Variants in CAMK2D observed in about 807,000 individuals in gnomAD.
CAMK2D encodes calcium/calmodulin-dependent protein kinase type II subunit delta.
Under a neutral mutation model 84.0 loss-of-function variants are expected in CAMK2D, and 37 were observed. The observed-to-expected ratio is 0.44, with a 90% CI of 0.34 to 0.58. The LOEUF is 0.58. Among genes scored for constraint, CAMK2D ranks in the 20% least tolerant of loss-of-function variants. The pLI is 0.02. For synonymous variants in CAMK2D, 202 were observed against 212.5 expected (o/e 0.95, Z 0.43); for missense variants, 448 against 652.5 (o/e 0.69, Z 3.41).
chr4:113,569,369 C>T (rs1216583716), intron 4 of CAMK2D, among the ~76,000 whole-genome samples: 1 of 152,146 alleles, frequency 6.6e-6, no homozygotes, highest in African/African-American at 2.4e-5. Context: ...ATAGCTTTAG[C>T]TCTTACATTT....
At chr4:113,530,510 T>C (rs943726011) in intron 8 of CAMK2D, among the ~76,000 whole-genome samples, 6 of 152,180 alleles carry the variant, frequency 3.9e-5, no homozygotes, top group African/African-American at 1.4e-4. Context: ...AAAATTGTGG[T>C]TGTTATAGAC....
At chr4:113,551,023 G>T (rs1015121221) in intron 5 of CAMK2D, among the ~76,000 whole-genome samples, 3 of 152,166 alleles carry the variant, frequency 2.0e-5, no homozygotes, top group Admixed American at 6.6e-5. Context: ...GCTACAATGG[G>T]ATTAGCAAGC....
At chr4:113,498,954 G>A (rs2097987089) in intron 16 of CAMK2D, among the ~76,000 whole-genome samples, 2 of 152,108 alleles carry the variant, frequency 1.3e-5, no homozygotes, top group Non-Finnish European at 2.9e-5. Flanking sequence ...TAAGGTGCTG[G>A]TATTCTCCTA....
chr4:113,654,907 A>C (rs1407500792), intron 3 of CAMK2D, among the ~76,000 whole-genome samples: 1 of 151,846 alleles, frequency 6.6e-6, no homozygotes. Context: ...AATATATGAT[A>C]TTTGAAAGTT....
At chr4:113,588,520 T>A (rs1444908679) in intron 4 of CAMK2D, among the ~76,000 whole-genome samples, 2 of 152,190 alleles carry the variant, frequency 1.3e-5, no homozygotes, top group Non-Finnish European at 2.9e-5. Context: ...AATCTCTAGT[T>A]TTAGTACTGA....
At chr4:113,697,174 T>A (rs1319012426) in intron 2 of CAMK2D, among the ~76,000 whole-genome samples, 1 of 152,046 alleles carries the variant, frequency 6.6e-6, no homozygotes, top group East Asian at 1.9e-4. Flanking sequence ...AATCTACATA[T>A]GGAAACATGT....
At chr4:113,677,250 T>C (rs1017963544) in intron 2 of CAMK2D, among the ~76,000 whole-genome samples, 6 of 152,182 alleles carry the variant, frequency 3.9e-5, no homozygotes, top group African/African-American at 1.4e-4. Context: ...ATATTATACT[T>C]GACCCATTTG....
At chr4:113,635,530 A>C (rs528045506) in intron 3 of CAMK2D, among the ~76,000 whole-genome samples, 1 of 152,344 alleles carries the variant, frequency 6.6e-6, no homozygotes, top group African/African-American at 2.4e-5. Flanking sequence ...CTGCAAAAAC[A>C]GTACAATGGA....
At chr4:113,648,609 A>G (rs1384508793) in intron 3 of CAMK2D, among the ~76,000 whole-genome samples, 1 of 152,190 alleles carries the variant, frequency 6.6e-6, no homozygotes, top group East Asian at 1.9e-4. Flanking sequence ...TGGGGGGAAA[A>G]AGCACCCTAG....
chr4:113,704,693 C>T (rs371284237), intron 2 of CAMK2D, among the ~76,000 whole-genome samples: 6 of 152,138 alleles, frequency 3.9e-5, no homozygotes, highest in African/African-American at 1.4e-4. Context: ...AATTCAAATT[C>T]TCATACACAC....
At chr4:113,642,434 C>T (rs1000965607) in intron 3 of CAMK2D, among the ~76,000 whole-genome samples, 1 of 152,172 alleles carries the variant, frequency 6.6e-6, no homozygotes, top group African/African-American at 2.4e-5. Flanking sequence ...AAAATCAAGG[C>T]ATATCTGAAC....
At chr4:113,498,186 A>G (rs141777224) in intron 16 of CAMK2D, among the ~76,000 whole-genome samples, 1 of 152,336 alleles carries the variant, frequency 6.6e-6, no homozygotes, top group Non-Finnish European at 1.5e-5. Flanking sequence ...AAAATAAGAG[A>G]GCATAATTAT....
chr4:113,480,718 GT>G (rs1450774862), intron 16 of CAMK2D, among the ~76,000 whole-genome samples: 16 of 152,300 alleles, frequency 1.1e-4, no homozygotes, highest in African/African-American at 3.4e-4. Flanking sequence ...GCGGGTGCCT[GT>G]AATCCCAGCT....
In CAMK2D at chr4:113,455,811, T is replaced by C. The variant is rs763847621; in HGVS notation, c.1546A>G (p.Ile516Val). The change falls in exon 20 of 21, where the codon ATT becomes GTT. Residue 516 changes from isoleucine (I) to valine (V), a missense_variant. Around this residue, in one of 7 missense-constraint regions of CAMK2D, gnomAD observed 219 missense variants for 272.1 expected, o/e 0.80. Transcript: ENST00000511664. ...SPTVPIKPPC[I>V]PNGKENFSGG... ...GAGAAGTTTTCTTTCCCATTTGGAA[T>C]ACAGGGTGGCCTATTAAGAGAAGCC... The C allele has an allele frequency of 8.1e-6, 13 of 1,608,828 alleles. No individual in the cohort carries two copies. The South Asian group carries it at 1.3e-4, about 16-fold the overall frequency.
intron 3 of CAMK2D, among the ~76,000 whole-genome samples, chr4:113,638,826 G>C (rs577253569): frequency 1.3e-5 from 2 of 152,266 alleles, no homozygotes; most frequent in South Asian, 4.1e-4. Flanking sequence ...GACAATTGTG[G>C]TAAGGTGGAA....
intron 4 of CAMK2D, among the ~76,000 whole-genome samples, chr4:113,588,317 T>C (rs1394993109): frequency 1.3e-5 from 2 of 152,152 alleles, no homozygotes; most frequent in African/African-American, 4.8e-5. Context: ...ACAAGGTAAA[T>C]GGTACATACT....
chr4:113,589,225 T>C (rs1236182151), intron 4 of CAMK2D, among the ~76,000 whole-genome samples: 3 of 152,056 alleles, frequency 2.0e-5, no homozygotes, highest in African/African-American at 7.2e-5. Context: ...CTCTGGCTAC[T>C]GTGTTGAGAG....
rs57391731 is a variant in CAMK2D at position 113,510,675 on chromosome 4, C to T, written c.947-1000G>A. Among the ~76,000 whole-genome samples the T allele has an allele frequency of 1.1e-3, 169 of 152,170 alleles. 1 individual carries two copies. The highest frequency in any genetic ancestry group is 3.8e-3 in the African/African-American group (156 of 41,528). On this transcript the variant is annotated intron_variant, in intron 12 of 20. Coordinates refer to ENST00000511664, the MANE Select transcript of CAMK2D (RefSeq NM_001321571.2). ...TTATGCTTTCATTTAATATTAATTA[C>T]ATATACTTATTTAAGTATATCAGAA...
At chr4:113,488,709 G>C (rs545442613) in intron 16 of CAMK2D, among the ~76,000 whole-genome samples, 1 of 152,106 alleles carries the variant, frequency 6.6e-6, no homozygotes, top group East Asian at 1.9e-4. Context: ...CTCATTACAG[G>C]GTTTCACAAA....
Sources: allele counts gnomAD v4.1 joint callset (sites outside exome capture counted in the v4.1 genomes callset), GRCh38; gene constraint gnomAD v4.1.1; regional missense constraint gnomAD v4.1.1; transcripts MANE v1.5; gene names NCBI Gene and HGNC (gene_info 2026-07-23, HGNC 2026-07-21).